Variants in SCNN1B observed in about 807,000 individuals in gnomAD.
The protein encoded by SCNN1B is epithelial sodium channel subunit beta.
A neutral mutation model predicts 65.3 loss-of-function variants in SCNN1B; 46 were observed. That is an observed-to-expected ratio of 0.70 (90% CI 0.56 to 0.90). The LOEUF (loss-of-function observed/expected upper bound fraction) is 0.90. SCNN1B is among the 40% of genes least tolerant of loss of function. The pLI is 0.00. For synonymous variants in SCNN1B, 349 were observed against 330.6 expected, an observed-to-expected ratio of 1.06 and a Z score of -0.60; for missense variants, 751 against 830.5, an observed-to-expected ratio of 0.90 and a Z score of 1.18.
At chr16:23,305,040 AT>A (rs1386951816) in intron 1 of SCNN1B, among the ~76,000 whole-genome samples, 7 of 152,062 alleles carry the variant, frequency 4.6e-5, no homozygotes, top group African/African-American at 1.7e-4. Context: ...TTGTGACTTC[AT>A]CCACACCCCA....
rs570190357 is a variant in SCNN1B, at chr16:23,362,047, T to C, written c.777-5809T>C. Among the ~76,000 whole-genome samples, 64 of 152,198 alleles carry C rather than the reference T, an allele frequency of 4.2e-4. 2 individuals carry two copies. In the South Asian group the frequency reaches 0.012, roughly 30 times the overall value. Reference sequence around the variant, plus strand: ...GTTTTTTAAATTGAAGAATGGTATTTAGAAACCAAGATCTGGGCCAAGCAT... The same window carrying C: ...GTTTTTTAAATTGAAGAATGGTATTCAGAAACCAAGATCTGGGCCAAGCAT... On this transcript the variant is annotated intron_variant, in intron 4 of 12. Coordinates refer to ENST00000343070, the MANE Select transcript of SCNN1B (RefSeq NM_000336.3).
chr16:23,371,492 A>G, intron 6 of SCNN1B, 30 bp downstream of exon 6: 1 of 1,609,728 alleles, frequency 6.2e-7, no homozygotes, highest in Non-Finnish European at 8.5e-7. Context: ...GCAGTCCTAG[A>G]GGGTCTGAGG....
chr16:23,371,820 G>A lies in SCNN1B; in HGVS notation c.1089G>A (p.Val363=). The stretch of plus-strand genomic sequence containing the variant: ...GGGAGCCCTACAGCCCGTGCACCGT[G>A]AATGGTTCTGAGGTCCCCGTCCAAA... ...RMGEPYSPCT[V]NGSEVPVQNF... The change falls in exon 7 of 13, where the codon GTG becomes GTA. Residue 363 remains valine (V), a synonymous_variant. Transcript: ENST00000343070. The A allele has an allele frequency of 6.2e-7, 1 of 1,614,242 alleles. No individual in the cohort carries two copies. The highest frequency in any genetic ancestry group is 8.5e-7 in the Non-Finnish European group (1 of 1,180,040).
chr16:23,296,286 G>A (rs1960996251), intron 2 of SCNN1B, among the ~76,000 whole-genome samples: 1 of 152,270 alleles, frequency 6.6e-6, no homozygotes, highest in African/African-American at 2.4e-5. Flanking sequence ...GCAGGAATAG[G>A]AGCCTCTCAT....
chr16:23,298,967 G>A (rs887290365), upstream of SCNN1B, among the ~76,000 whole-genome samples: 1 of 151,966 alleles, frequency 6.6e-6, no homozygotes, highest in Non-Finnish European at 1.5e-5. Context: ...CTGTCCAACA[G>A]GGCCCCAAAA....
At chr16:23,301,136 G>T (rs1026453296), upstream of SCNN1B, among the ~76,000 whole-genome samples, 2 of 152,014 alleles carry the variant, frequency 1.3e-5, no homozygotes, top group Non-Finnish European at 2.9e-5. Context: ...GCCCGAGGCG[G>T]GTGGATCACT....
chr16:23,313,809 T>A (rs1250629388), intron 1 of SCNN1B, among the ~76,000 whole-genome samples: 2 of 152,086 alleles, frequency 1.3e-5, no homozygotes, highest in African/African-American at 4.8e-5. Flanking sequence ...ACAGGGTTTC[T>A]CCATGTTGGC....
chr16:23,283,586 G>A (rs1180417063), intron 1 of SCNN1B, among the ~76,000 whole-genome samples: 2 of 152,144 alleles, frequency 1.3e-5, no homozygotes, highest in African/African-American at 2.4e-5. Context: ...AATATATATG[G>A]CATTTGCACC....
chr16:23,318,270 C>T (rs1961513635), intron 1 of SCNN1B, among the ~76,000 whole-genome samples: 1 of 152,164 alleles, frequency 6.6e-6, no homozygotes, highest in Admixed American at 6.6e-5. Context: ...GGGCAAATCA[C>T]CTGACCTCTC....
At chr16:23,343,651 A>AG (rs1555487085) in intron 1 of SCNN1B, among the ~76,000 whole-genome samples, 2 of 91,170 alleles carry the variant, frequency 2.2e-5, no homozygotes, top group Admixed American at 1.0e-4. Flanking sequence ...AAGAAAGAAA[A>AG]AAAGAAAGGA....
Position 23,380,823 on chromosome 16 carries a change from G to A in SCNN1B, c.*22G>A, listed in dbSNP as rs917943759. 8.7e-6 allele frequency: 14 copies of A among 1,611,520 alleles called. No individual in the cohort carries two copies. Among genetic ancestry groups the A allele is most frequent in the Non-Finnish European group, 1.2e-5 (14 of 1,179,888 alleles). ...CTAACCCTGCCCCTGCCCACCCCGGGCGGCTGAAACTCACTGAGCAGCCAA... is the reference window on the plus strand; with the variant it reads ...CTAACCCTGCCCCTGCCCACCCCGGACGGCTGAAACTCACTGAGCAGCCAA... On this transcript the variant is annotated 3_prime_UTR_variant, in exon 13 of 13. Coordinates refer to ENST00000343070, the MANE Select transcript of SCNN1B (RefSeq NM_000336.3). This position sits in a 1 kb window ranked among gnomAD's most constrained non-coding sequence, Gnocchi z 5.4.
intron 10 of SCNN1B, among the ~76,000 whole-genome samples, chr16:23,377,980 C>T (rs990203276): frequency 8.5e-5 from 13 of 152,066 alleles, no homozygotes; most frequent in South Asian, 4.1e-4. Flanking sequence ...AGAGTAACTG[C>T]GGGAAACTAC....
chr16:23,308,852 G>A (rs544182588), intron 1 of SCNN1B, among the ~76,000 whole-genome samples: 7 of 152,160 alleles, frequency 4.6e-5, no homozygotes, highest in African/African-American at 1.2e-4. Context: ...AGGTGGCTGC[G>A]TCGGCCTCCC....
In SCNN1B at chr16:23,367,269, G is replaced by C. The variant is rs550566832; in HGVS notation, c.777-587G>C. On this transcript the variant is annotated intron_variant, in intron 4 of 12. Coordinates refer to ENST00000343070, the MANE Select transcript of SCNN1B (RefSeq NM_000336.3). Reference sequence around the variant, plus strand: ...GTATACGAGACAGATGAAAACATCTGAGAAAGTTCTTTTTCATTTTTGTTG... The same window carrying C: ...GTATACGAGACAGATGAAAACATCTCAGAAAGTTCTTTTTCATTTTTGTTG... Among the ~76,000 whole-genome samples, 327 of 152,264 alleles carry C rather than the reference G, an allele frequency of 2.1e-3. 1 individual carries two copies. Among genetic ancestry groups the C allele is most frequent in the African/African-American group, 7.4e-3 (307 of 41,554 alleles).
At chr16:23,288,980 G>A (rs1960887637) in intron 2 of SCNN1B, among the ~76,000 whole-genome samples, 1 of 152,260 alleles carries the variant, frequency 6.6e-6, no homozygotes, top group South Asian at 2.1e-4. Context: ...TTCATCAAAG[G>A]CAGCAAGGGA....
At chr16:23,282,612 C>T (rs537810341) in intron 1 of SCNN1B, among the ~76,000 whole-genome samples, 1 of 152,280 alleles carries the variant, frequency 6.6e-6, no homozygotes, top group Non-Finnish European at 1.5e-5. Flanking sequence ...GGCTTGGACA[C>T]TGGACCAAAT....
At chr16:23,283,751 C>A (rs1310826272) in exon 2 of SCNN1B, 2 of 152,092 alleles carry the variant, frequency 1.3e-5, no homozygotes, top group African/African-American at 4.8e-5. Context: ...GAAGCCAAGC[C>A]GGAGATGGTG....
At chr16:23,305,524 A>T (rs748379199) in intron 1 of SCNN1B, among the ~76,000 whole-genome samples, 1 of 4,892 alleles carries the variant, frequency 2.0e-4, no homozygotes, top group South Asian at 7.7e-3. Context: ...ATCTCTACCA[A>T]ATATATATAT....
At chr16:23,290,340 C>G (rs1960905694) in intron 2 of SCNN1B, among the ~76,000 whole-genome samples, 1 of 152,202 alleles carries the variant, frequency 6.6e-6, no homozygotes, top group Admixed American at 6.5e-5. Context: ...CAGGGTTTCA[C>G]TCTGTCACCA....
Sources: allele counts gnomAD v4.1 joint callset (sites outside exome capture counted in the v4.1 genomes callset), GRCh38; gene constraint gnomAD v4.1.1; non-coding constraint Gnocchi (gnomAD v3.1); transcripts MANE v1.5; gene names NCBI Gene and HGNC (gene_info 2026-07-23, HGNC 2026-07-21).